The following GLDC variants were observed in gnomAD, a reference collection of about 807,000 sequenced individuals.
GLDC encodes glycine dehydrogenase (decarboxylating), mitochondrial.
In GLDC, 104 loss-of-function variants were observed where a neutral mutation model predicts 121.3. That is an observed-to-expected ratio of 0.86 (90% CI 0.73 to 1.01). The LOEUF (loss-of-function observed/expected upper bound fraction) is 1.01, where lower values mean the gene tolerates loss of function less well. Among genes scored for constraint, GLDC ranks in the 50% least tolerant of loss-of-function variants. The probability of loss-of-function intolerance (pLI) is 0.00; values close to 1 mark genes in which losing one functional copy is unlikely to be tolerated. For synonymous variants in GLDC, 546 were observed against 480.6 expected, an observed-to-expected ratio of 1.14 and a Z score of -1.78; for missense variants, 1,429 against 1,306.6, an observed-to-expected ratio of 1.09 and a Z score of -1.44.
intron 3 of GLDC, among the ~76,000 whole-genome samples, chr9:6,613,915 T>C (rs1280259451): frequency 6.6e-6 from 1 of 152,122 alleles, no homozygotes; most frequent in Non-Finnish European, 1.5e-5. Context: ...TAGCTGGGAT[T>C]ACAGGTGCGT....
Position 6,605,290 on chromosome 9 carries a change from G to T in GLDC, c.714-12C>A. ...GGACTCCAGTATATCTGGAAAGACA[G>T]ACAACAAAGAACAATCGTGCTTTCG... On this transcript the variant is annotated splice_polypyrimidine_tract_variant and intron_variant, in intron 5 of 24. Coordinates refer to ENST00000321612, the MANE Select transcript of GLDC (RefSeq NM_000170.3). 1.2e-6 allele frequency: 2 copies of T among 1,613,222 alleles called. No homozygotes were observed. Among genetic ancestry groups the T allele is most frequent in the Non-Finnish European group, 1.7e-6 (2 of 1,179,170 alleles).
intron 21 of GLDC, among the ~76,000 whole-genome samples, chr9:6,547,888 G>A (rs145817632): frequency 6.6e-6 from 1 of 152,186 alleles, no homozygotes; most frequent in East Asian, 1.9e-4. Context: ...CCAGCATTTT[G>A]GGAGGCCGAG....
At position 6,581,087 on chromosome 9, in the gene GLDC, C is replaced by G. The variant is rs189703556; in HGVS notation, c.1850+6054G>C. On this transcript the variant is annotated intron_variant, in intron 15 of 24. Transcript: ENST00000321612. ...TTCTTGGTTGAAAGACAGCCCATAACTATCAAGCCTCAAGTATTGAGGGGT... is the reference window on the plus strand; with the variant it reads ...TTCTTGGTTGAAAGACAGCCCATAAGTATCAAGCCTCAAGTATTGAGGGGT... Among the ~76,000 whole-genome samples, 32 of 152,342 alleles carry G rather than the reference C, an allele frequency of 2.1e-4. No individual in the cohort carries two copies. The East Asian group carries it at 4.6e-3, about 22-fold the overall frequency.
chr9:6,637,347 G>A (rs1819525441), intron 2 of GLDC, among the ~76,000 whole-genome samples: 2 of 151,652 alleles, frequency 1.3e-5, no homozygotes, highest in East Asian at 3.9e-4. Flanking sequence ...AGAGGTTGCA[G>A]TGAGCTGAGA....
chr9:6,602,211 C>A lies in GLDC; in HGVS notation c.1059-6G>T. 1 of 1,572,814 alleles carries A rather than the reference C, an allele frequency of 6.4e-7. No homozygotes were observed. The highest frequency in any genetic ancestry group is 8.7e-7 in the Non-Finnish European group (1 of 1,143,210). On this transcript the variant is annotated splice_region_variant and splice_polypyrimidine_tract_variant and intron_variant, in intron 7 of 24. Transcript: ENST00000321612. ...CTTCTTTCCCAGTGGCATCTCTACA[C>A]CAAGAATAAGGCATCCAGTTAGCAC...
intron 21 of GLDC, 32 bp downstream of exon 21, chr9:6,550,771 C>T: frequency 6.9e-7 from 1 of 1,456,158 alleles, no homozygotes; most frequent in Non-Finnish European, 9.6e-7. Context: ...AGAAAAAAAC[C>T]AAAGTAATGA....
In GLDC at chr9:6,534,759, T is replaced by C. The variant is rs1219276888; in HGVS notation, c.2868A>G (p.Thr956=). The C allele has an allele frequency of 1.9e-6, 3 of 1,607,132 alleles. No homozygotes were observed. The highest frequency in any genetic ancestry group is 1.7e-5 in the Admixed American group (1 of 59,996). ...KMSPHSLTCV[T]SSHWDRPYSR... Reference sequence around the variant, plus strand: ...AATAAGGCCGGTCCCAGTGGGAAGATGTAACGCAGGTCAGGGAGTGTGGAG... The same window carrying C: ...AATAAGGCCGGTCCCAGTGGGAAGACGTAACGCAGGTCAGGGAGTGTGGAG... Residue 956 remains threonine, a synonymous_variant, in exon 24 of 25, where the codon ACA becomes ACG. Transcript: ENST00000321612.
intron 15 of GLDC, among the ~76,000 whole-genome samples, chr9:6,580,246 A>G (rs1453600600): frequency 2.0e-5 from 3 of 152,304 alleles, no homozygotes; most frequent in East Asian, 3.9e-4. Flanking sequence ...CTCTGCTTCT[A>G]TAATTGCAGG....
chr9:6,553,340 C>A (rs779717203), intron 20 of GLDC, 28 bp downstream of exon 20: 13 of 1,611,748 alleles, frequency 8.1e-6, no homozygotes, highest in Non-Finnish European at 1.0e-5. Flanking sequence ...CACCCACCTG[C>A]ACACCTGCAC....
At chr9:6,614,526 C>T (rs529122838) in intron 3 of GLDC, among the ~76,000 whole-genome samples, 7 of 151,296 alleles carry the variant, frequency 4.6e-5, no homozygotes, top group African/African-American at 1.5e-4. Context: ...TGAGCCACCA[C>T]GCCCAGCTGA....
Position 6,592,146 on chromosome 9 carries a change from A to G in GLDC, c.1479T>C (p.Ser493=). The change falls in exon 11 of 25, where the codon TCT becomes TCC. Residue 493 remains serine (S), a synonymous_variant. Coordinates refer to ENST00000321612, the MANE Select transcript of GLDC (RefSeq NM_000170.3). The part of the protein sequence containing the change: ...DLLWIFGCES[S]AELVAESMGE... The stretch of plus-strand genomic sequence containing the variant: ...CGCATGTTTTTATTTTACTTACTGC[A>G]GATGACTCACAACCAAAGATCCACA... The G allele has an allele frequency of 1.3e-6, 2 of 1,575,282 alleles. No homozygotes were observed. Among genetic ancestry groups the G allele is most frequent in the South Asian group, 2.2e-5 (2 of 90,254 alleles).
intron 15 of GLDC, among the ~76,000 whole-genome samples, chr9:6,576,574 G>C (rs1442842288): frequency 2.0e-5 from 3 of 151,904 alleles, no homozygotes; most frequent in African/African-American, 7.3e-5. Context: ...TCAAGCAATT[G>C]TCCTGCCTCA....
At chr9:6,621,862 T>G (rs1003045933) in intron 2 of GLDC, among the ~76,000 whole-genome samples, 1 of 152,172 alleles carries the variant, frequency 6.6e-6, no homozygotes, top group Non-Finnish European at 1.5e-5. Flanking sequence ...TGGTTCTTTC[T>G]TTACCTCTCT....
intron 15 of GLDC, among the ~76,000 whole-genome samples, chr9:6,573,203 C>T (rs1366582689): frequency 6.6e-6 from 1 of 151,964 alleles, no homozygotes; most frequent in Non-Finnish European, 1.5e-5. Flanking sequence ...GTAATCCCAG[C>T]ACTTTGGGAG....
At position 6,545,564 on chromosome 9, in the gene GLDC, G is replaced by C. The variant is rs564057863; in HGVS notation, c.2569+5239C>G. Reference sequence around the variant, plus strand: ...TCCTGTATACTACCATAGACTTTGTGAACGCTGTACACTTAGGCTATATTA... The same window carrying C: ...TCCTGTATACTACCATAGACTTTGTCAACGCTGTACACTTAGGCTATATTA... On this transcript the variant is annotated intron_variant, in intron 21 of 24. Coordinates refer to ENST00000321612, the MANE Select transcript of GLDC (RefSeq NM_000170.3). 2.0e-4 allele frequency among the ~76,000 whole-genome samples: 31 copies of C among 152,232 alleles called. No homozygotes were observed. The South Asian group carries it at 6.2e-3, about 31-fold the overall frequency.
chr9:6,564,371 G>A (rs1036996475), intron 16 of GLDC, among the ~76,000 whole-genome samples: 1 of 152,166 alleles, frequency 6.6e-6, no homozygotes, highest in Non-Finnish European at 1.5e-5. Flanking sequence ...CCCCTGTTAT[G>A]AAAGGGAAGT....
intron 15 of GLDC, among the ~76,000 whole-genome samples, chr9:6,586,759 G>A (rs913495513): frequency 7.9e-5 from 12 of 152,286 alleles, no homozygotes; most frequent in Non-Finnish European, 1.3e-4. Flanking sequence ...AGACTAATCT[G>A]GAAGGGATGC....
intron 2 of GLDC, among the ~76,000 whole-genome samples, chr9:6,637,404 CAAAA>C (rs71328199): frequency 7.1e-6 from 1 of 139,936 alleles, no homozygotes; most frequent in African/African-American, 2.6e-5. Flanking sequence ...AGACTTCTCT[CAAAA>C]AAAAAAAAAA....
intron 2 of GLDC, among the ~76,000 whole-genome samples, chr9:6,643,623 A>G (rs1235351016): frequency 5.3e-5 from 8 of 152,010 alleles, no homozygotes; most frequent in Admixed American, 5.3e-4. Context: ...AATACCCCTG[A>G]AAAGCAATCT....
Sources: gnomAD v4.1 joint callset for allele counts (sites outside exome capture counted in the v4.1 genomes callset) on GRCh38, gnomAD v4.1.1 for gene constraint, MANE v1.5 for transcripts, NCBI Gene and HGNC (gene_info 2026-07-23, HGNC 2026-07-21) for gene names.